Variants in CYP2C19 observed in about 807,000 individuals in gnomAD.
CYP2C19 encodes cytochrome P450 family 2 subfamily C member 19, also known as cytochrome P450 2C19.
In CYP2C19, 59 loss-of-function variants were observed where a neutral mutation model predicts 40.9. The ratio of observed to expected loss-of-function variants is 1.44; its 90% CI spans 1.17 to 1.79. The LOEUF (loss-of-function observed/expected upper bound fraction) is 1.79, where lower values mean the gene tolerates loss of function less well. Among genes scored for constraint, CYP2C19 ranks in the 40% most tolerant of loss-of-function variants. The pLI, the probability that CYP2C19 is intolerant of heterozygous loss-of-function variation, is 0.00. For synonymous variants in CYP2C19, 253 were observed against 208.7 expected, an observed-to-expected ratio of 1.21 and a Z score of -1.83; for missense variants, 754 against 596.9, an observed-to-expected ratio of 1.26 and a Z score of -2.74.
intron 5 of CYP2C19, among the ~76,000 whole-genome samples, chr10:94,790,677 G>A (rs549567083): frequency 2.8e-4 from 43 of 152,236 alleles, no homozygotes; most frequent in African/African-American, 1.0e-3. Flanking sequence ...AAAAAGCCTT[G>A]CATCCCCGGG....
intron 5 of CYP2C19, among the ~76,000 whole-genome samples, chr10:94,807,597 C>T (rs1487679411): frequency 1.3e-5 from 2 of 152,048 alleles, no homozygotes; most frequent in African/African-American, 2.4e-5. Flanking sequence ...CTGGAGTGAG[C>T]TGATATCTCA....
chr10:94,762,927 T>C (rs1848192878), intron 1 of CYP2C19, 54 bp downstream of exon 1: 2 of 1,526,878 alleles, frequency 1.3e-6, no homozygotes, highest in Non-Finnish European at 1.8e-6. Context: ...ACCTGTATTT[T>C]TTAAATAAAG....
At chr10:94,785,075 TAC>T (rs1451564524) in intron 5 of CYP2C19, among the ~76,000 whole-genome samples, 1 of 152,194 alleles carries the variant, frequency 6.6e-6, no homozygotes, top group African/African-American at 2.4e-5. Flanking sequence ...ATTAAACTCT[TAC>T]ATATACATAA....
intron 5 of CYP2C19, among the ~76,000 whole-genome samples, chr10:94,794,853 G>A (rs757020129): frequency 1.4e-4 from 21 of 152,034 alleles, no homozygotes; most frequent in Non-Finnish European, 2.9e-4. Flanking sequence ...TGCAAACAGG[G>A]ACAATTTAAC....
At chr10:94,778,803 T>C (rs1848443975) in intron 3 of CYP2C19, among the ~76,000 whole-genome samples, 1 of 152,152 alleles carries the variant, frequency 6.6e-6, no homozygotes, top group Non-Finnish European at 1.5e-5. Flanking sequence ...ACTATAAAGA[T>C]ACATACAAAC....
intron 6 of CYP2C19, among the ~76,000 whole-genome samples, chr10:94,831,274 G>T (rs1406414839): frequency 1.3e-5 from 2 of 151,874 alleles, no homozygotes; most frequent in Non-Finnish European, 1.5e-5. Flanking sequence ...TTATACATTT[G>T]TCTGTTGATG....
In CYP2C19 at chr10:94,807,726, A is replaced by C. The variant is rs190922785; in HGVS notation, c.820-12770A>C. On this transcript the variant is annotated intron_variant, in intron 5 of 8. Transcript: ENST00000371321. ...GTTCAGTTTATTTACCCATATTTTA[A>C]TTGTAGTATTTGTTTTTTTGTTTCT... Among the ~76,000 whole-genome samples, 35 of 152,002 alleles carry C rather than the reference A, an allele frequency of 2.3e-4. 1 individual carries two copies. The highest frequency in any genetic ancestry group is 1.6e-3 in the Admixed American group (24 of 15,248).
chr10:94,784,719 A>C (rs761934455), intron 5 of CYP2C19, among the ~76,000 whole-genome samples: 6 of 151,994 alleles, frequency 3.9e-5, no homozygotes, highest in Non-Finnish European at 7.4e-5. Context: ...CCTTCAGAGT[A>C]GCTGGGATTA....
intron 5 of CYP2C19, among the ~76,000 whole-genome samples, chr10:94,789,127 G>A (rs1330278297): frequency 6.6e-6 from 1 of 150,954 alleles, no homozygotes; most frequent in East Asian, 1.9e-4. Context: ...TATGTTTTTT[G>A]GCCACATAGA....
At chr10:94,805,289 T>A (rs1226810701) in intron 5 of CYP2C19, among the ~76,000 whole-genome samples, 1 of 152,194 alleles carries the variant, frequency 6.6e-6, no homozygotes, top group Non-Finnish European at 1.5e-5. Context: ...GTCATTTTTT[T>A]CTGCATCTAA....
intron 6 of CYP2C19, among the ~76,000 whole-genome samples, chr10:94,827,966 G>A (rs1237505088): frequency 6.6e-6 from 1 of 151,892 alleles, no homozygotes; most frequent in South Asian, 2.1e-4. Flanking sequence ...CCATGTAGTT[G>A]AGCGGTTTTG....
At chr10:94,781,186 A>C (rs1337162613) in intron 4 of CYP2C19, among the ~76,000 whole-genome samples, 1 of 152,188 alleles carries the variant, frequency 6.6e-6, no homozygotes, top group East Asian at 1.9e-4. Context: ...ACAGCTGGTT[A>C]GGAATGAAAA....
chr10:94,777,750 T>C (rs1325169403), intron 3 of CYP2C19, among the ~76,000 whole-genome samples: 3 of 152,006 alleles, frequency 2.0e-5, no homozygotes, highest in African/African-American at 7.2e-5. Flanking sequence ...GGGCAAAGAC[T>C]TCATGACTAA....
At chr10:94,843,214 G>T (rs2134287102) in intron 7 of CYP2C19, among the ~76,000 whole-genome samples, 190 bp downstream of exon 7, 1 of 152,330 alleles carries the variant, frequency 6.6e-6, no homozygotes, top group East Asian at 1.9e-4. Flanking sequence ...GTCTCACAGT[G>T]TGTGTTTTTC....
intron 5 of CYP2C19, among the ~76,000 whole-genome samples, chr10:94,802,053 GT>G (rs1848773791): frequency 6.6e-6 from 1 of 152,100 alleles, no homozygotes; most frequent in African/African-American, 2.4e-5. Context: ...TCCCTTATTT[GT>G]CCCCACCCAT....
At chr10:94,798,946 C>A (rs1281353704) in intron 5 of CYP2C19, among the ~76,000 whole-genome samples, 2 of 149,714 alleles carry the variant, frequency 1.3e-5, no homozygotes, top group Admixed American at 6.8e-5. Context: ...TGGGTCTTGA[C>A]TTTTTATCCG....
chr10:94,822,679 A>G (rs1468498057), intron 6 of CYP2C19, among the ~76,000 whole-genome samples: 1 of 152,200 alleles, frequency 6.6e-6, no homozygotes, highest in Non-Finnish European at 1.5e-5. Context: ...ACTAGTTTGC[A>G]TACCCACCAG....
intron 5 of CYP2C19, among the ~76,000 whole-genome samples, chr10:94,790,970 G>C (rs1352078421): frequency 6.6e-6 from 1 of 152,092 alleles, no homozygotes; most frequent in African/African-American, 2.4e-5. Flanking sequence ...ACCTCTGGTG[G>C]AATTCAGCTG....
At chr10:94,778,006 G>T (rs1848433431) in intron 3 of CYP2C19, among the ~76,000 whole-genome samples, 1 of 152,074 alleles carries the variant, frequency 6.6e-6, no homozygotes, top group African/African-American at 2.4e-5. Context: ...GCAGACCCTG[G>T]CCAATGGATG....
Sources: gnomAD v4.1 joint callset for allele counts (sites outside exome capture counted in the v4.1 genomes callset) on GRCh38, gnomAD v4.1.1 for gene constraint, MANE v1.5 for transcripts, NCBI Gene and HGNC (gene_info 2026-07-23, HGNC 2026-07-21) for gene names.